NKAIN3: variants seen among roughly 807,000 people sequenced by gnomAD.
NKAIN3 encodes sodium/potassium transporting ATPase interacting 3.
Under a neutral mutation model 30.2 loss-of-function variants are expected in NKAIN3, and 25 were observed. The observed-to-expected ratio is 0.83, with a 90% CI of 0.60 to 1.16. The LOEUF (loss-of-function observed/expected upper bound fraction) is 1.16, where lower values mean the gene tolerates loss of function less well. Ranked by LOEUF, NKAIN3 falls within the 50% of genes most tolerant of loss-of-function variation. NKAIN3 has a pLI of 0.00. For missense variants in NKAIN3, 225 were observed against 254.1 expected (o/e 0.89, Z 0.78); for synonymous variants, 91 against 89.6 (o/e 1.02, Z -0.09).
intron 4 of NKAIN3, among the ~76,000 whole-genome samples, chr8:62,867,323 C>T (rs903525886): frequency 6.6e-6 from 1 of 152,088 alleles, no homozygotes; most frequent in African/African-American, 2.4e-5. Context: ...AAAATGGTAG[C>T]AACTTCTTCA....
intron 1 of NKAIN3, chr8:62,383,486 G>GT (rs1817335951): frequency 8.8e-6 from 4 of 454,792 alleles, no homozygotes; most frequent in Non-Finnish European, 1.8e-5. Context: ...GGGCACTTTT[G>GT]TCTGCATTAA....
At chr8:62,822,121 T>A (rs901961812) in intron 4 of NKAIN3, among the ~76,000 whole-genome samples, 1 of 152,084 alleles carries the variant, frequency 6.6e-6, no homozygotes, top group Admixed American at 6.5e-5. Context: ...GGTGGAAAAA[T>A]CTTTCTGTTA....
intron 1 of NKAIN3, among the ~76,000 whole-genome samples, chr8:62,420,267 T>A (rs1804591967): frequency 6.6e-6 from 1 of 152,188 alleles, no homozygotes. Flanking sequence ...CAGGCCCAGA[T>A]CTAAATATAT....
At chr8:62,563,932 A>T (rs1809665538) in intron 1 of NKAIN3, among the ~76,000 whole-genome samples, 1 of 152,166 alleles carries the variant, frequency 6.6e-6, no homozygotes, top group African/African-American at 2.4e-5. Context: ...CCTTGCTTTG[A>T]GTCACTTAAG....
chr8:62,328,630 T>C (rs1281135468), intron 1 of NKAIN3, among the ~76,000 whole-genome samples: 1 of 152,158 alleles, frequency 6.6e-6, no homozygotes, highest in Admixed American at 6.6e-5. Context: ...TCAGAGATTA[T>C]ACATTTTTAG....
At chr8:62,654,516 GA>G (rs1270635633) in intron 3 of NKAIN3, among the ~76,000 whole-genome samples, 2 of 151,908 alleles carry the variant, frequency 1.3e-5, no homozygotes, top group East Asian at 1.9e-4. Flanking sequence ...AGCTTCTAAA[GA>G]AAAAAAATCC....
At chr8:62,932,403 A>G (rs1395426254) in intron 5 of NKAIN3, among the ~76,000 whole-genome samples, 1 of 152,232 alleles carries the variant, frequency 6.6e-6, no homozygotes, top group Non-Finnish European at 1.5e-5. Flanking sequence ...AGATGTGCAG[A>G]AAACGTAAGC....
intron 4 of NKAIN3, among the ~76,000 whole-genome samples, chr8:62,875,932 A>C (rs568877185): frequency 1.3e-5 from 2 of 152,146 alleles, no homozygotes; most frequent in African/African-American, 4.8e-5. Flanking sequence ...AGACTTCATG[A>C]AAAAACAGCA....
intron 1 of NKAIN3, among the ~76,000 whole-genome samples, chr8:62,401,996 C>T (rs750646126): frequency 1.5e-4 from 23 of 152,178 alleles, no homozygotes; most frequent in Non-Finnish European, 2.2e-4. Flanking sequence ...TTTCTCTCAA[C>T]CTTCAGGGCT....
intron 1 of NKAIN3, among the ~76,000 whole-genome samples, chr8:62,355,975 G>A (rs968074098): frequency 6.6e-6 from 1 of 152,136 alleles, no homozygotes; most frequent in African/African-American, 2.4e-5. Context: ...GGCTTTTAAA[G>A]ACAATATTTA....
At chr8:62,591,936 A>G (rs1420553595) in intron 3 of NKAIN3, among the ~76,000 whole-genome samples, 2 of 152,004 alleles carry the variant, frequency 1.3e-5, no homozygotes, top group African/African-American at 2.4e-5. Flanking sequence ...CCTCGTCCAT[A>G]TGAGTTGGTT....
intron 4 of NKAIN3, among the ~76,000 whole-genome samples, chr8:62,831,517 A>G (rs1586246160): frequency 6.6e-6 from 1 of 152,302 alleles, no homozygotes; most frequent in Non-Finnish European, 1.5e-5. Context: ...GAACAGATAC[A>G]TAGCTTTAAA....
At chr8:62,604,440 C>A (rs370074731) in intron 3 of NKAIN3, among the ~76,000 whole-genome samples, 36 of 152,224 alleles carry the variant, frequency 2.4e-4, no homozygotes, top group African/African-American at 7.9e-4. Flanking sequence ...ATTGAAACAT[C>A]CAGCTGTCTA....
At chr8:62,867,501 T>C (rs928832909) in intron 4 of NKAIN3, among the ~76,000 whole-genome samples, 3 of 151,404 alleles carry the variant, frequency 2.0e-5, no homozygotes, top group African/African-American at 7.3e-5. Flanking sequence ...CAAAAGAAAA[T>C]AGGAGATAGG....
chr8:62,426,725 TGGAGACATTGCATAGGA>T (rs1804819459), intron 1 of NKAIN3, among the ~76,000 whole-genome samples: 1 of 152,006 alleles, frequency 6.6e-6, no homozygotes, highest in Non-Finnish European at 1.5e-5. Context: ...GAATATATAG[TGGAGACATTGCATAGGA>T]GCAATGCTGA....
At chr8:62,508,774 A>G (rs1225919555) in intron 1 of NKAIN3, among the ~76,000 whole-genome samples, 3 of 151,938 alleles carry the variant, frequency 2.0e-5, no homozygotes, top group East Asian at 1.9e-4. Flanking sequence ...CATTTTTAAT[A>G]CATATTTTTA....
At chr8:62,817,591 CA>C (rs1818723454) in intron 4 of NKAIN3, among the ~76,000 whole-genome samples, 2 of 152,036 alleles carry the variant, frequency 1.3e-5, no homozygotes, top group Admixed American at 6.6e-5. Flanking sequence ...ATCACCGAGC[CA>C]ACAGGCATCT....
At chr8:62,560,286 C>T (rs773015363) in intron 1 of NKAIN3, among the ~76,000 whole-genome samples, 1 of 151,994 alleles carries the variant, frequency 6.6e-6, no homozygotes, top group Admixed American at 6.6e-5. Flanking sequence ...CATCTTCTTG[C>T]ATCTGTAGGT....
chr8:62,855,902 G>T (rs774857665), intron 4 of NKAIN3: 1 of 763,750 alleles, frequency 1.3e-6, no homozygotes, highest in Middle Eastern at 2.6e-4. Context: ...AGATGTTCCT[G>T]CGGGGTGTGT....
Sources: gnomAD v4.1 joint callset for allele counts (sites outside exome capture counted in the v4.1 genomes callset) on GRCh38, gnomAD v4.1.1 for gene constraint, MANE v1.5 for transcripts, NCBI Gene and HGNC (gene_info 2026-07-23, HGNC 2026-07-21) for gene names.